The following POC1B variants were observed in gnomAD, a reference collection of about 807,000 sequenced individuals.
The protein encoded by POC1B is POC1 centriolar protein B.
POC1B carries 44 observed loss-of-function variants against 60.6 expected under a neutral mutation model. The observed-to-expected ratio is 0.73, with a 90% CI of 0.57 to 0.93. The LOEUF (loss-of-function observed/expected upper bound fraction) is 0.93. POC1B is among the 40% of genes least tolerant of loss of function. POC1B has a pLI of 0.00. For synonymous variants in POC1B, 180 were observed against 198.9 expected (o/e 0.90, Z 0.80); for missense variants, 555 against 572.3 (o/e 0.97, Z 0.31).
chr12:89,452,347 C>T (rs1882079120), intron 10 of POC1B, among the ~76,000 whole-genome samples: 1 of 152,024 alleles, frequency 6.6e-6, no homozygotes, highest in African/African-American at 2.4e-5. Context: ...AAAGGAAATT[C>T]TAAAAAGTAT....
At chr12:89,492,674 C>T (rs1041900473) in intron 3 of POC1B, among the ~76,000 whole-genome samples, 13 of 152,170 alleles carry the variant, frequency 8.5e-5, no homozygotes, top group African/African-American at 3.1e-4. Context: ...TACACCTGCA[C>T]CTCATCCTGT....
intron 2 of POC1B, among the ~76,000 whole-genome samples, chr12:89,509,798 A>G (rs935026523): frequency 1.3e-5 from 2 of 152,172 alleles, no homozygotes; most frequent in Non-Finnish European, 2.9e-5. Context: ...TTTCAGAATC[A>G]TGGAACCACA....
At chr12:89,524,094 G>A in intron 2 of POC1B, 1 of 1,613,998 alleles carries the variant, frequency 6.2e-7, no homozygotes, top group Non-Finnish European at 8.5e-7. Context: ...GAATGGTACG[G>A]AGCAAAGTCG....
chr12:89,495,015 A>C (rs544967579), intron 3 of POC1B, among the ~76,000 whole-genome samples: 1 of 152,332 alleles, frequency 6.6e-6, no homozygotes, highest in African/African-American at 2.4e-5. Flanking sequence ...AGGTTTTGTG[A>C]CTGTCATACA....
chr12:89,514,412 T>C (rs1383456879), intron 2 of POC1B, among the ~76,000 whole-genome samples: 1 of 134,348 alleles, frequency 7.4e-6, no homozygotes, highest in Admixed American at 7.4e-5. Flanking sequence ...CTTTTTTTTT[T>C]TTTTTTTTTT....
chr12:89,509,637 T>C (rs1372708154), intron 2 of POC1B, among the ~76,000 whole-genome samples: 6 of 152,214 alleles, frequency 3.9e-5, no homozygotes, highest in African/African-American at 9.6e-5. Flanking sequence ...TCAATTGATA[T>C]AGGTATTAAA....
chr12:89,411,354 G>T, the POC1B span, among the ~76,000 whole-genome samples: 3 of 152,158 alleles, frequency 2.0e-5, no homozygotes, highest in Non-Finnish European at 2.9e-5. Flanking sequence ...GCATCACGCT[G>T]CCTAGAATTT....
intron 2 of POC1B, chr12:89,524,221 A>C: frequency 6.2e-7 from 1 of 1,613,912 alleles, no homozygotes. Context: ...ATGCAGGGAA[A>C]TCCTGTCACT....
chr12:89,412,369 T>C, the POC1B span, among the ~76,000 whole-genome samples: 7 of 151,668 alleles, frequency 4.6e-5, no homozygotes, highest in Non-Finnish European at 1.0e-4. Flanking sequence ...TTTTTTTTTT[T>C]TTGTAGTTTT....
chr12:89,410,963 C>G, the POC1B span, among the ~76,000 whole-genome samples: 1 of 152,114 alleles, frequency 6.6e-6, no homozygotes, highest in African/African-American at 2.4e-5. Context: ...ACAAGCATTC[C>G]TATACACCAA....
intron 10 of POC1B, among the ~76,000 whole-genome samples, chr12:89,439,944 T>C (rs1182391219): frequency 6.6e-6 from 1 of 152,262 alleles, no homozygotes; most frequent in Middle Eastern, 3.4e-3. Flanking sequence ...AAATACCTTT[T>C]CCAGGAAAAC....
intron 9 of POC1B, chr12:89,461,623 A>G (rs1882485994): frequency 6.6e-6 from 1 of 152,248 alleles, no homozygotes; most frequent in African/African-American, 2.4e-5. Context: ...AGCACTTACC[A>G]TGCTTGATGG....
At chr12:89,449,539 A>G (rs1027306010) in intron 10 of POC1B, among the ~76,000 whole-genome samples, 5 of 152,220 alleles carry the variant, frequency 3.3e-5, no homozygotes, top group African/African-American at 1.2e-4. Flanking sequence ...AATTCCCTAA[A>G]TATAATACTA....
intron 10 of POC1B, among the ~76,000 whole-genome samples, chr12:89,451,689 G>A (rs1362523006): frequency 6.6e-6 from 1 of 152,208 alleles, no homozygotes; most frequent in African/African-American, 2.4e-5. Context: ...TTTACATAGT[G>A]TGACAGCATA....
intron 10 of POC1B, among the ~76,000 whole-genome samples, chr12:89,449,592 C>CA (rs1322942376): frequency 7.2e-5 from 11 of 152,150 alleles, no homozygotes; most frequent in Admixed American, 3.3e-4. Flanking sequence ...TGGCAATTCT[C>CA]AAATTATTTT....
At chr12:89,508,827 G>A (rs10858889) in intron 2 of POC1B, among the ~76,000 whole-genome samples, 29,416 of 152,136 alleles carry the variant, frequency 0.19, 3,267 homozygotes, top group South Asian at 0.36. Flanking sequence ...TGTCTCTCCT[G>A]CTGCCATGTG....
At chr12:89,525,458 C>T in intron 1 of POC1B, 1 of 1,344,634 alleles carries the variant, frequency 7.4e-7, no homozygotes. Flanking sequence ...TCCAGCGCAT[C>T]GCAGGAACCG....
intron 4 of POC1B, among the ~76,000 whole-genome samples, chr12:89,478,538 T>G (rs913290362): frequency 6.6e-6 from 1 of 152,118 alleles, no homozygotes; most frequent in Non-Finnish European, 1.5e-5. Flanking sequence ...TGCCTGGCAC[T>G]GAGTAGGTCC....
At chr12:89,452,991 C>T (rs1368061106) in intron 10 of POC1B, among the ~76,000 whole-genome samples, 2 of 152,060 alleles carry the variant, frequency 1.3e-5, no homozygotes, top group African/African-American at 4.8e-5. Flanking sequence ...AGTCTCTTTC[C>T]AGTCTCTAAT....
Sources: gnomAD v4.1 joint callset for allele counts (sites outside exome capture counted in the v4.1 genomes callset) on GRCh38, gnomAD v4.1.1 for gene constraint, MANE v1.5 for transcripts, NCBI Gene and HGNC (gene_info 2026-07-23, HGNC 2026-07-21) for gene names.